Variants in KCNG3 observed in about 807,000 individuals in gnomAD.
KCNG3 encodes the protein potassium voltage-gated channel modifier subfamily G member 3.
KCNG3 carries 15 observed loss-of-function variants against 29.0 expected under a neutral mutation model. The ratio of observed to expected loss-of-function variants is 0.52; its 90% CI spans 0.35 to 0.80. The LOEUF (loss-of-function observed/expected upper bound fraction) is 0.80. Ranked by LOEUF, KCNG3 falls within the 30% of genes least tolerant of loss-of-function variation. The probability of loss-of-function intolerance (pLI) is 0.01; values close to 1 mark genes in which losing one functional copy is unlikely to be tolerated. For missense variants in KCNG3, 512 were observed against 605.7 expected, an observed-to-expected ratio of 0.85 and a Z score of 1.62; for synonymous variants, 322 against 248.9, an observed-to-expected ratio of 1.29 and a Z score of -2.76.
At chr2:42,471,172 G>GTGTC (rs1673278475) in intron 1 of KCNG3, among the ~76,000 whole-genome samples, 1 of 150,700 alleles carries the variant, frequency 6.6e-6, no homozygotes, top group South Asian at 2.1e-4. Context: ...GTGTGTGTGT[G>GTGTC]TGTGTGTGTG....
At chr2:42,488,856 A>G (rs1673799717) in intron 1 of KCNG3, among the ~76,000 whole-genome samples, 2 of 151,860 alleles carry the variant, frequency 1.3e-5, no homozygotes, top group Admixed American at 1.3e-4. Context: ...GGCCCCAAAC[A>G]GCATTTTAAA....
At chr2:42,467,113 G>T (rs1171433760) in intron 1 of KCNG3, among the ~76,000 whole-genome samples, 1 of 151,988 alleles carries the variant, frequency 6.6e-6, no homozygotes, top group Non-Finnish European at 1.5e-5. Context: ...AGATAAATGT[G>T]AAAATTTAGG....
At position 42,453,805 on chromosome 2, in the gene KCNG3, T is replaced by C. The variant is rs568003505; in HGVS notation, c.666-9226A>G. Reference sequence around the variant, plus strand: ...GCCTACTTGAATGTCCTGGAGATTTTCCCCAATGTTTTCGTGTAGTAGTTT... The same window carrying C: ...GCCTACTTGAATGTCCTGGAGATTTCCCCCAATGTTTTCGTGTAGTAGTTT... On this transcript the variant is annotated intron_variant, in intron 1 of 1. Transcript: ENST00000306078. Among the ~76,000 whole-genome samples, 3 of 152,302 alleles carry C rather than the reference T, an allele frequency of 2.0e-5. No individual in the cohort carries two copies. The East Asian group carries it at 5.8e-4, about 29-fold the overall frequency.
chr2:42,403,988 A>C, the KCNG3 span, among the ~76,000 whole-genome samples: 3 of 152,198 alleles, frequency 2.0e-5, no homozygotes, highest in Non-Finnish European at 4.4e-5. Flanking sequence ...TACTATCTTC[A>C]CAAAATAAGC....
chr2:42,448,835 G>C (rs1043347741), intron 1 of KCNG3, among the ~76,000 whole-genome samples: 2 of 152,084 alleles, frequency 1.3e-5, no homozygotes, highest in African/African-American at 4.8e-5. Context: ...GAAATTAGCC[G>C]GGCGCAGTGG....
chr2:42,455,360 A>G (rs1189583201), intron 1 of KCNG3, among the ~76,000 whole-genome samples: 2 of 152,242 alleles, frequency 1.3e-5, no homozygotes, highest in Non-Finnish European at 2.9e-5. Flanking sequence ...TTTGACTTAC[A>G]TTCTGCTTTA....
At chr2:42,490,384 T>C (rs1673842765) in intron 1 of KCNG3, among the ~76,000 whole-genome samples, 1 of 152,074 alleles carries the variant, frequency 6.6e-6, no homozygotes, top group Non-Finnish European at 1.5e-5. Context: ...GAGACCAGTC[T>C]GACCAACATG....
chr2:42,422,168 TTA>T, the KCNG3 span, among the ~76,000 whole-genome samples: 21 of 152,226 alleles, frequency 1.4e-4, no homozygotes, highest in African/African-American at 4.1e-4. Context: ...CCCCCAAAGT[TTA>T]TGTGTTGGAA....
rs373490524 is a variant in KCNG3 at position 42,457,007 on chromosome 2, T to C, written c.666-12428A>G. ...AATTATCTTACAGAGAAAAAATATA[T>C]ACCATTCATACCTCTTTATCTTCCA... On this transcript the variant is annotated intron_variant, in intron 1 of 1. Coordinates refer to ENST00000306078, the MANE Select transcript of KCNG3 (RefSeq NM_133329.6). 9.8e-5 allele frequency among the ~76,000 whole-genome samples: 15 copies of C among 152,308 alleles called. No homozygotes were observed. In the East Asian group the frequency reaches 1.7e-3, roughly 18 times the overall value.
intron 1 of KCNG3, among the ~76,000 whole-genome samples, chr2:42,490,652 G>A (rs1158893413): frequency 6.6e-6 from 1 of 152,140 alleles, no homozygotes; most frequent in Non-Finnish European, 1.5e-5. Context: ...GCAGTGCCTT[G>A]AACATAACAG....
At chr2:42,409,731 T>TAAAAAAAAAAAAAAAA in the KCNG3 span, among the ~76,000 whole-genome samples, 1 of 77,030 alleles carries the variant, frequency 1.3e-5, no homozygotes, top group African/African-American at 4.2e-5. Flanking sequence ...AAAAAAAAAT[T>TAAAAAAAAAAAAAAAA]TTTTTTTAAA....
the KCNG3 span, among the ~76,000 whole-genome samples, chr2:42,408,696 G>A: frequency 2.0e-5 from 3 of 152,294 alleles, no homozygotes; most frequent in African/African-American, 7.2e-5. Flanking sequence ...CCCTCTGCTT[G>A]TCTGCATACC....
chr2:42,398,752 G>A, the KCNG3 span, among the ~76,000 whole-genome samples: 1 of 152,132 alleles, frequency 6.6e-6, no homozygotes, highest in Non-Finnish European at 1.5e-5. Flanking sequence ...GCTCATTTTG[G>A]GAACTCAGGG....
chr2:42,407,418 T>G, the KCNG3 span, among the ~76,000 whole-genome samples: 2 of 152,198 alleles, frequency 1.3e-5, no homozygotes, highest in African/African-American at 4.8e-5. Flanking sequence ...TCCTCCCACC[T>G]TGGTGATGGC....
chr2:42,469,811 G>A (rs911748317), intron 1 of KCNG3: 4 of 190,626 alleles, frequency 2.1e-5, no homozygotes, highest in Non-Finnish European at 4.3e-5. Flanking sequence ...CCTGACTGCT[G>A]CCATCATGGG....
At chr2:42,471,106 C>T (rs745308506) in intron 1 of KCNG3, among the ~76,000 whole-genome samples, 20 of 151,262 alleles carry the variant, frequency 1.3e-4, no homozygotes, top group Non-Finnish European at 2.2e-4. Flanking sequence ...GAGCTATGAT[C>T]GTGCCACTGA....
At chr2:42,406,719 T>C in the KCNG3 span, among the ~76,000 whole-genome samples, 2 of 149,700 alleles carry the variant, frequency 1.3e-5, no homozygotes, top group African/African-American at 4.9e-5. Context: ...CCCAGATACT[T>C]GGGGGGCTGA....
chr2:42,417,321 T>C, the KCNG3 span, among the ~76,000 whole-genome samples: 3 of 152,134 alleles, frequency 2.0e-5, no homozygotes, highest in Non-Finnish European at 4.4e-5. Context: ...TGTAGGTGTG[T>C]GGTGGGAGGA....
chr2:42,429,621 G>A, the KCNG3 span, among the ~76,000 whole-genome samples: 1 of 152,144 alleles, frequency 6.6e-6, no homozygotes, highest in Admixed American at 6.6e-5. Flanking sequence ...CCATAGGATG[G>A]CACTTCCAAC....
Sources: gnomAD v4.1 joint callset for allele counts (sites outside exome capture counted in the v4.1 genomes callset) on GRCh38, gnomAD v4.1.1 for gene constraint, MANE v1.5 for transcripts, NCBI Gene and HGNC (gene_info 2026-07-23, HGNC 2026-07-21) for gene names.